The following MBTPS2 variants were observed in gnomAD, a reference collection of about 807,000 sequenced individuals.
MBTPS2 encodes the protein membrane-bound transcription factor site-2 protease.
In MBTPS2, 2 loss-of-function variants were observed where a neutral mutation model predicts 35.4. The observed-to-expected ratio is 0.06, with a 90% CI of 0.02 to 0.18. The LOEUF (loss-of-function observed/expected upper bound fraction) is 0.18, where lower values mean the gene tolerates loss of function less well. Among genes scored for constraint, MBTPS2 ranks in the 10% least tolerant of loss-of-function variants. The probability of loss-of-function intolerance (pLI) is 1.00; values close to 1 mark genes in which losing one functional copy is unlikely to be tolerated. For missense variants in MBTPS2, 244 were observed against 386.5 expected (o/e 0.63, Z 3.09); for synonymous variants, 125 against 140.4 (o/e 0.89, Z 0.77).
intron 1 of MBTPS2, among the ~76,000 whole-genome samples, chrX:21,840,404 C>G (rs746110102): frequency 8.1e-4 from 91 of 112,046 alleles, no homozygotes; most frequent in Non-Finnish European, 1.2e-3. Flanking sequence ...GTAGCACACT[C>G]AAATAGCAAG....
intron 5 of MBTPS2, among the ~76,000 whole-genome samples, chrX:21,867,805 A>AT (rs1400745967): frequency 9.1e-6 from 1 of 109,411 alleles, no homozygotes; most frequent in Non-Finnish European, 1.9e-5. Context: ...TGCCTGGCTA[A>AT]TTTTTTTGTA....
chrX:21,855,829 C>T (rs1339336509), intron 5 of MBTPS2, among the ~76,000 whole-genome samples: 1 of 102,885 alleles, frequency 9.7e-6, no homozygotes, highest in African/African-American at 3.6e-5. Flanking sequence ...CCAGCCTGGG[C>T]GACGGAGCGA....
chrX:21,844,011 T>C (rs975412751), intron 2 of MBTPS2, among the ~76,000 whole-genome samples: 3 of 107,374 alleles, frequency 2.8e-5, no homozygotes, highest in Non-Finnish European at 5.8e-5. Flanking sequence ...CTCGGGAGGC[T>C]AAGGCACAAG....
At chrX:21,876,453 C>G (rs2092953190) in intron 7 of MBTPS2, among the ~76,000 whole-genome samples, 1 of 110,283 alleles carries the variant, frequency 9.1e-6, no homozygotes, top group Admixed American at 9.7e-5. Context: ...GTAATCTCAG[C>G]TACTCAGAAG....
intron 7 of MBTPS2, among the ~76,000 whole-genome samples, chrX:21,873,488 T>C (rs889877227): frequency 5.3e-5 from 6 of 112,281 alleles, no homozygotes; most frequent in African/African-American, 1.9e-4. Flanking sequence ...TTATTTCATA[T>C]ATGCATAAAG....
At chrX:21,840,607 A>G (rs1332805132) in intron 1 of MBTPS2, among the ~76,000 whole-genome samples, 1 of 111,627 alleles carries the variant, frequency 9.0e-6, no homozygotes, top group East Asian at 2.8e-4. Context: ...GGGGTAGGGG[A>G]TGGGGAAGAG....
At chrX:21,856,533 G>A in intron 5 of MBTPS2, 1 of 1,211,383 alleles carries the variant, frequency 8.3e-7, no homozygotes, top group Non-Finnish European at 1.1e-6. Flanking sequence ...GGAGATCCCG[G>A]CAGATATTGT....
chrX:21,869,944 C>T lies in MBTPS2; in HGVS notation c.970+266C>T, dbSNP rs368611007. ...TCTAATATTTTCTGCTTTCAAAACA[C>T]TTGTATTAAATCATAGCCGGGCGCA... On this transcript the variant is annotated intron_variant, in intron 7 of 10. Coordinates refer to ENST00000379484, the MANE Select transcript of MBTPS2 (RefSeq NM_015884.4). 1.2e-4 allele frequency: 35 copies of T among 298,466 alleles called. 1 individual carries two copies. The East Asian group carries it at 2.3e-3, about 20-fold the overall frequency. The allele number at this position is 298,466 out of a possible 1,213,427, so 24.6% of individuals were successfully genotyped here. A position where few individuals can be genotyped will look rare whatever the true frequency, so the allele number is the denominator to read the frequency against.
Position 21,881,108 on chromosome X carries a change from A to G in MBTPS2, c.1337+136A>G, listed in dbSNP as rs770291533. The stretch of plus-strand genomic sequence containing the variant: ...CTAACAACTAAAAAAGAGTCTTGAA[A>G]GATGAAAAAGATCAGATTGTACCCA... On this transcript the variant is annotated intron_variant, in intron 10 of 10. Transcript: ENST00000379484. 70 of 509,115 alleles carry G rather than the reference A, an allele frequency of 1.4e-4. No homozygotes were observed. In the South Asian group the frequency reaches 1.9e-3, roughly 14 times the overall value. 42.0% of individuals were successfully genotyped at this position (509,115 alleles called of 1,213,427 possible).
In MBTPS2 at chrX:21,884,372, T is replaced by C. The variant is rs770622623; in HGVS notation, c.*1717T>C. 12 of 673,158 alleles carry C rather than the reference T, an allele frequency of 1.8e-5. No homozygotes were observed. Among genetic ancestry groups the C allele is most frequent in the Non-Finnish European group, 2.1e-5 (12 of 565,018 alleles). 55.5% of individuals were successfully genotyped at this position (673,158 alleles called of 1,213,427 possible). ...GAATGCCATGAAATACTTATATAAT[T>C]AATTTGATTGCATGAACTAAGCAAT... On this transcript the variant is annotated 3_prime_UTR_variant, in exon 11 of 11. Coordinates refer to ENST00000379484, the MANE Select transcript of MBTPS2 (RefSeq NM_015884.4).
At chrX:21,856,467 C>T (rs1569323723) in intron 5 of MBTPS2, 1 of 1,195,811 alleles carries the variant, frequency 8.4e-7, no homozygotes, top group Non-Finnish European at 1.1e-6. Flanking sequence ...TTGCCGCTAA[C>T]CTAACTAACT....
intron 2 of MBTPS2, among the ~76,000 whole-genome samples, 200 bp downstream of exon 2, chrX:21,843,518 G>C (rs1569320954): frequency 9.0e-6 from 1 of 111,643 alleles, no homozygotes; most frequent in Non-Finnish European, 1.9e-5. Context: ...GGCATTTATG[G>C]CAATTTATAG....
At position 21,883,360 on chromosome X, in the gene MBTPS2, C is replaced by T. The variant is rs2092961376; in HGVS notation, c.*705C>T. The stretch of plus-strand genomic sequence containing the variant: ...CTGCCCCCTCATAAAGCAGCACTAG[C>T]TTTGACATCCACGGTGAGCTGCAGG... On this transcript the variant is annotated 3_prime_UTR_variant, in exon 11 of 11. Coordinates refer to ENST00000379484, the MANE Select transcript of MBTPS2 (RefSeq NM_015884.4). 5.3e-6 allele frequency: 4 copies of T among 754,985 alleles called. No homozygotes were observed. Among genetic ancestry groups the T allele is most frequent in the Non-Finnish European group, 6.3e-6 (4 of 639,940 alleles). The allele number at this position is 754,985 out of a possible 1,213,427, so 62.2% of individuals were successfully genotyped here.
At chrX:21,868,676 C>A in intron 6 of MBTPS2, 91 bp downstream of exon 6, 2 of 638,539 alleles carry the variant, frequency 3.1e-6, no homozygotes, top group Non-Finnish European at 5.3e-6. Flanking sequence ...AAGATCTCTT[C>A]ATATACAAAA....
chrX:21,885,313 C>A lies in MBTPS2; in HGVS notation c.*2658C>A, dbSNP rs2092963608. On this transcript the variant is annotated 3_prime_UTR_variant, in exon 11 of 11. Transcript: ENST00000379484. ...TGCACAGGTGTTTTTTTCTATAAATCTTCTGACTGTCCTGTAATTCATTCT... is the reference window on the plus strand; with the variant it reads ...TGCACAGGTGTTTTTTTCTATAAATATTCTGACTGTCCTGTAATTCATTCT... 1.3e-6 allele frequency: 1 copy of A among 749,125 alleles called. No homozygotes were observed. 61.7% of individuals were successfully genotyped at this position (749,125 alleles called of 1,213,427 possible). A position where few individuals can be genotyped will look rare whatever the true frequency, so the allele number is the denominator to read the frequency against.
At chrX:21,861,712 CAAAA>C (rs200607987) in intron 5 of MBTPS2, among the ~76,000 whole-genome samples, 1 of 104,843 alleles carries the variant, frequency 9.5e-6, no homozygotes, top group Non-Finnish European at 2.0e-5. Context: ...AAAAAACAAA[CAAAA>C]AAAAACACGA....
intron 5 of MBTPS2, chrX:21,856,060 G>A (rs73195142): frequency 0.11 from 14,803 of 139,326 alleles, 621 homozygotes; most frequent in East Asian, 0.13. Context: ...GGACAGGAGG[G>A]GAAGACATGA....
intron 7 of MBTPS2, among the ~76,000 whole-genome samples, chrX:21,873,832 AT>A (rs66592291): frequency 0.098 from 10,665 of 109,191 alleles, 399 homozygotes; most frequent in East Asian, 0.12. Flanking sequence ...GAGAACTCAG[AT>A]TTTTTTTATG....
chrX:21,875,690 T>C (rs1269965442), intron 7 of MBTPS2, among the ~76,000 whole-genome samples: 1 of 112,318 alleles, frequency 8.9e-6, no homozygotes. Context: ...CTGAGAAACC[T>C]TTCCCTCAGG....
Sources: allele counts gnomAD v4.1 joint callset (sites outside exome capture counted in the v4.1 genomes callset), GRCh38; gene constraint gnomAD v4.1.1; transcripts MANE v1.5; gene names NCBI Gene and HGNC (gene_info 2026-07-23, HGNC 2026-07-21).